The following ZNF547 variants were observed in gnomAD, a reference collection of about 807,000 sequenced individuals.
ZNF547 encodes the protein zinc finger protein 547.
In ZNF547, 4 loss-of-function variants were observed where a neutral mutation model predicts 7.7. That is an observed-to-expected ratio of 0.52 (90% CI 0.26 to 1.20). The LOEUF (loss-of-function observed/expected upper bound fraction) is 1.20. Among genes scored for constraint, ZNF547 ranks in the 50% most tolerant of loss-of-function variants. The pLI, the probability that ZNF547 is intolerant of heterozygous loss-of-function variation, is 0.14. For missense variants in ZNF547, 449 were observed against 485.8 expected (o/e 0.92, Z 0.71); for synonymous variants, 166 against 166.2 (o/e 1.00, Z 0.01).
Position 57,377,316 on chromosome 19 carries a change from C to G in ZNF547, c.340C>G (p.Leu114Val). 1 of 1,614,204 alleles carries G rather than the reference C, an allele frequency of 6.2e-7. No homozygotes were observed. Among genetic ancestry groups the G allele is most frequent in the Non-Finnish European group, 8.5e-7 (1 of 1,180,032 alleles). ...EHDGTHPEQG[L>V]YTCPAHLHQH... The stretch of plus-strand genomic sequence containing the variant: ...TGACGGAACACACCCCGAGCAGGGA[C>G]TGTACACGTGTCCAGCACATCTTCA... Residue 114 changes from leucine (L) to valine (V), a missense_variant, in exon 4 of 4, where the codon CTG (leucine) becomes GTG (valine). Transcript: ENST00000282282.
At chr19:57,364,002 TATAACCATGGAAGGTTGTCAAGGGAAG>T (rs1231844177) in intron 1 of ZNF547, 1 of 152,232 alleles carries the variant, frequency 6.6e-6, no homozygotes, top group Non-Finnish European at 1.5e-5. Flanking sequence ...GAGCAGCCGG[TATAACCATGGAAGGTTGTCAAGGGAAG>T]ACCAGTGGGA....
rs186127477 is a variant in ZNF547 at position 57,366,206 on chromosome 19, G to T, written c.-12-2338G>T. 3.3e-3 allele frequency among the ~76,000 whole-genome samples: 482 copies of T among 144,930 alleles called. 2 individuals carry two copies. Among genetic ancestry groups the T allele is most frequent in the African/African-American group, 8.2e-3 (323 of 39,204 alleles). ...AAAAATTGGGAATAAGCTTTTTTGT[G>T]TGTGTGTGTATGTTTTTGTTTTTTT... On this transcript the variant is annotated intron_variant, in intron 1 of 3. Transcript: ENST00000282282.
In ZNF547 at chr19:57,377,218, T is replaced by C. The variant is rs146966640; in HGVS notation, c.242T>C (p.Leu81Pro). The C allele has an allele frequency of 6.3e-4, 1,021 of 1,614,220 alleles. 5 individuals are homozygous for C. Among genetic ancestry groups the C allele is most frequent in the African/African-American group, 1.3e-3 (98 of 75,064 alleles). Residue 81 changes from leucine (L) to proline (P), a missense_variant, in exon 4 of 4, where the codon CTA (leucine) becomes CCA (proline). Physicochemically the swap from Leu to Pro is moderately conservative, Grantham distance 98. Coordinates refer to ENST00000282282, the MANE Select transcript of ZNF547 (RefSeq NM_173631.4). ...CAGGTCATGGCTCCAAAGCCCTGTC[T>C]ATCTACCCAGAATACCCAGCCCTGT... ...VSQVMAPKPC[L>P]STQNTQPCET...
At position 57,377,973 on chromosome 19, in the gene ZNF547, T is replaced by C; in HGVS notation, c.997T>C (p.Phe333Leu). 1 of 1,614,150 alleles carries C rather than the reference T, an allele frequency of 6.2e-7. No homozygotes were observed. The highest frequency in any genetic ancestry group is 8.5e-7 in the Non-Finnish European group (1 of 1,179,996). Residue 333 changes from phenylalanine (F) to leucine (L), a missense_variant, in exon 4 of 4, where the codon TTC becomes CTC. By Grantham distance (22) the Phe-to-Leu change is conservative. Transcript: ENST00000282282. Reference protein sequence around the residue: ...PYECNECGKFFSLKSVLIQHQ... With the variant: ...PYECNECGKFLSLKSVLIQHQ... The stretch of plus-strand genomic sequence containing the variant: ...TGAGTGCAATGAATGTGGGAAATTC[T>C]TCAGCTTGAAATCCGTCCTCATTCA...
chr19:57,372,866 C>T (rs2088514956), intron 3 of ZNF547, among the ~76,000 whole-genome samples: 1 of 152,334 alleles, frequency 6.6e-6, no homozygotes, highest in South Asian at 2.1e-4. Context: ...ACACACTGCT[C>T]ACTAGTCACC....
chr19:57,365,509 CTT>C (rs770884068), intron 1 of ZNF547, among the ~76,000 whole-genome samples: 10 of 139,740 alleles, frequency 7.2e-5, no homozygotes, highest in Admixed American at 2.2e-4. Context: ...TAATTTCTTT[CTT>C]TTTTTTTTTT....
Position 57,378,132 on chromosome 19 carries a change from T to A in ZNF547, c.1156T>A (p.Phe386Ile). The change falls in exon 4 of 4, where the codon TTC becomes ATC. Residue 386 changes from phenylalanine (F) to isoleucine (I), a missense_variant. Phe to Ile is a conservative substitution (Grantham distance 21). Transcript: ENST00000282282. ...AAKQCSECGKFFRYNSTLLRH... is the reference protein window; with the variant it reads ...AAKQCSECGKIFRYNSTLLRH... Reference sequence around the variant, plus strand: ...AAAGCAGTGCAGTGAATGTGGGAAATTCTTTAGGTATAACTCTACACTTCT... The same window carrying A: ...AAAGCAGTGCAGTGAATGTGGGAAAATCTTTAGGTATAACTCTACACTTCT... 1 of 1,613,658 alleles carries A rather than the reference T, an allele frequency of 6.2e-7. No homozygotes were observed. Among genetic ancestry groups the A allele is most frequent in the Non-Finnish European group, 8.5e-7 (1 of 1,179,600 alleles).
intron 1 of ZNF547, among the ~76,000 whole-genome samples, chr19:57,366,284 G>T (rs12052112): frequency 0.29 from 43,641 of 150,354 alleles, 6,993 homozygotes; most frequent in South Asian, 0.47. Context: ...GCAGTGGCAC[G>T]ATCTTGGCTC....
intron 1 of ZNF547, chr19:57,364,642 G>A (rs1176588454): frequency 6.6e-6 from 4 of 608,716 alleles, no homozygotes; most frequent in Non-Finnish European, 1.2e-5. Flanking sequence ...TCGGGAGGCT[G>A]AGGCAGGAGA....
At chr19:57,367,001 G>T (rs1024507941) in intron 1 of ZNF547, among the ~76,000 whole-genome samples, 5 of 152,228 alleles carry the variant, frequency 3.3e-5, no homozygotes, top group African/African-American at 1.2e-4. Flanking sequence ...AAAATAGGAG[G>T]CTGGGAGCAG....
chr19:57,373,610 G>A (rs2088519446), intron 3 of ZNF547, among the ~76,000 whole-genome samples: 1 of 152,164 alleles, frequency 6.6e-6, no homozygotes. Context: ...AAGCAAGTTA[G>A]TTACTTCTAA....
At chr19:57,366,540 ATAAAT>A (rs567306110) in intron 1 of ZNF547, among the ~76,000 whole-genome samples, 45 of 134,786 alleles carry the variant, frequency 3.3e-4, no homozygotes, top group African/African-American at 1.2e-3. Context: ...CCCAATTCAG[ATAAAT>A]TGTTTTTTTT....
chr19:57,377,806 T>G lies in ZNF547; in HGVS notation c.830T>G (p.Phe277Cys). The change falls in exon 4 of 4, where the codon TTT becomes TGT. Residue 277 changes from phenylalanine to cysteine, a missense_variant. By Grantham distance (205) the Phe-to-Cys change is radical (BLOSUM62 -2). Transcript: ENST00000282282. Reference sequence around the variant, plus strand: ...GGTTGCAGTGAATGTGGGAAGTTCTTTAAGTGCAACTCAAACCTCTTTAGG... The same window carrying G: ...GGTTGCAGTGAATGTGGGAAGTTCTGTAAGTGCAACTCAAACCTCTTTAGG... The part of the protein sequence containing the change: ...PYGCSECGKF[F>C]KCNSNLFRHY... 6.2e-7 allele frequency: 1 copy of G among 1,614,136 alleles called. No homozygotes were observed. The highest frequency in any genetic ancestry group is 8.5e-7 in the Non-Finnish European group (1 of 1,180,018).
At chr19:57,368,701 G>T (rs946734838) in intron 2 of ZNF547, 122 bp downstream of exon 2, 10 of 928,616 alleles carry the variant, frequency 1.1e-5, no homozygotes, top group African/African-American at 6.6e-5. Context: ...TCTTATGTCT[G>T]AAAAGTGAGT....
chr19:57,370,836 A>G (rs1233198652), intron 2 of ZNF547: 3 of 152,148 alleles, frequency 2.0e-5, no homozygotes, highest in Non-Finnish European at 4.4e-5. Context: ...TGCCACCTGG[A>G]TGTGGTTTCT....
chr19:57,368,466 A>G, intron 1 of ZNF547, 78 bp from the exon 2 acceptor site: 2 of 1,395,366 alleles, frequency 1.4e-6, no homozygotes, highest in South Asian at 1.2e-5. Flanking sequence ...AGGGTAAGGA[A>G]GAAGAGATGG....
Position 57,377,612 on chromosome 19 carries a change from T to A in ZNF547, c.636T>A (p.Tyr212Ter). The A allele has an allele frequency of 6.2e-7, 1 of 1,614,154 alleles. No homozygotes were observed. The highest frequency in any genetic ancestry group is 1.1e-5 in the South Asian group (1 of 91,084). The part of the protein sequence containing the change: ...HQRTHTGERP[Y>*]ECNECGKAFL... ...GAACTCACACTGGAGAAAGGCCTTA[T>A]GAGTGCAATGAATGTGGGAAAGCCT... is the stretch of plus-strand genomic sequence containing the variant. The change falls in exon 4 of 4, where the codon TAT becomes TAA. Residue 212 changes from tyrosine (Y) to a stop codon, truncating the protein, a stop_gained. Coordinates refer to ENST00000282282, the MANE Select transcript of ZNF547 (RefSeq NM_173631.4). LOFTEE classifies it low-confidence loss of function (END_TRUNC).
At position 57,378,147 on chromosome 19, in the gene ZNF547, T is replaced by C. The variant is rs562796752; in HGVS notation, c.1171T>C (p.Ser391Pro). The C allele has an allele frequency of 6.2e-7, 1 of 1,611,212 alleles. No homozygotes were observed. Residue 391 changes from serine to proline, a missense_variant, in exon 4 of 4, where the codon TCT becomes CCT. Ser to Pro is a moderately conservative substitution (Grantham distance 74). Transcript: ENST00000282282. ...SECGKFFRYN[S>P]TLLRHQKVHT... Reference sequence around the variant, plus strand: ...ATGTGGGAAATTCTTTAGGTATAACTCTACACTTCTCAGACATCAGAAAGT... The same window carrying C: ...ATGTGGGAAATTCTTTAGGTATAACCCTACACTTCTCAGACATCAGAAAGT...
chr19:57,363,725 C>CA (rs1023457111), intron 1 of ZNF547, 22 bp downstream of exon 1: 1 of 136,976 alleles, frequency 7.3e-6, no homozygotes, highest in Non-Finnish European at 1.6e-5. Context: ...GTCCCAGGCC[C>CA]CCCCCCACCT....
Sources: gnomAD v4.1 joint callset for allele counts (sites outside exome capture counted in the v4.1 genomes callset) on GRCh38, gnomAD v4.1.1 for gene constraint, MANE v1.5 for transcripts, NCBI Gene and HGNC (gene_info 2026-07-23, HGNC 2026-07-21) for gene names.